Variants in SULT6B1 observed in about 807,000 individuals in gnomAD.
The protein encoded by SULT6B1 is sulfotransferase 6B1.
A neutral mutation model predicts 37.2 loss-of-function variants in SULT6B1; 44 were observed. That is an observed-to-expected ratio of 1.18 (90% CI 0.93 to 1.52). The LOEUF is 1.52. SULT6B1 is among the 40% of genes most tolerant of loss of function. The probability of loss-of-function intolerance (pLI) is 0.00; values close to 1 mark genes in which losing one functional copy is unlikely to be tolerated. For synonymous variants in SULT6B1, 140 were observed against 126.0 expected, an observed-to-expected ratio of 1.11 and a Z score of -0.74; for missense variants, 450 against 361.0, an observed-to-expected ratio of 1.25 and a Z score of -2.00.
intron 3 of SULT6B1, 140 bp from the exon 4 acceptor site, chr2:37,179,724 C>A: frequency 1.4e-6 from 1 of 697,844 alleles, no homozygotes; most frequent in Non-Finnish European, 2.2e-6. Flanking sequence ...CAGTAGGAAA[C>A]TGAGGAACAG....
rs935450061 is a variant in SULT6B1, at chr2:37,170,752, A to C, written c.781+682T>G. Among the ~76,000 whole-genome samples, 348 of 151,480 alleles carry C rather than the reference A, an allele frequency of 2.3e-3. 1 individual carries two copies. Among genetic ancestry groups the C allele is most frequent in the African/African-American group, 8.0e-3 (330 of 41,296 alleles). On this transcript the variant is annotated intron_variant, in intron 6 of 6. Coordinates refer to ENST00000535679, the MANE Select transcript of SULT6B1 (RefSeq NM_001367551.1). Reference sequence around the variant, plus strand: ...GATTCTGTCTCAAAAAAAAAAAAAAAAAAAAAAACTCACTGATGGGGCTTC... The same window carrying C: ...GATTCTGTCTCAAAAAAAAAAAAAACAAAAAAAACTCACTGATGGGGCTTC...
upstream of SULT6B1, among the ~76,000 whole-genome samples, chr2:37,191,733 A>G (rs1343778185): frequency 6.6e-6 from 1 of 152,196 alleles, no homozygotes; most frequent in Non-Finnish European, 1.5e-5. Context: ...GAAGGTGGGT[A>G]CGAAAAAAAC....
chr2:37,175,525 A>G (rs542983488), intron 4 of SULT6B1, among the ~76,000 whole-genome samples: 1 of 152,354 alleles, frequency 6.6e-6, no homozygotes, highest in Admixed American at 6.5e-5. Context: ...AAAAAAATTC[A>G]GAAATAGTGA....
intron 5 of SULT6B1, among the ~76,000 whole-genome samples, chr2:37,174,872 A>G (rs1359107021): frequency 6.6e-6 from 1 of 152,140 alleles, no homozygotes; most frequent in African/African-American, 2.4e-5. Context: ...TTTATTACCA[A>G]TTTGAACTAT....
chr2:37,194,389 T>C (rs979238482), intron 1 of SULT6B1: 8 of 387,392 alleles, frequency 2.1e-5, no homozygotes, highest in Non-Finnish European at 3.0e-5. Flanking sequence ...TGACTATCTG[T>C]AGATTTTTGA....
At chr2:37,176,391 C>T (rs1676429206) in intron 4 of SULT6B1, among the ~76,000 whole-genome samples, 1 of 149,976 alleles carries the variant, frequency 6.7e-6, no homozygotes, top group East Asian at 2.0e-4. Flanking sequence ...TCCTGAGTAG[C>T]TGGGACTACA....
intron 6 of SULT6B1, 117 bp from the exon 7 acceptor site, chr2:37,168,182 C>G: frequency 9.9e-7 from 1 of 1,012,458 alleles, no homozygotes; most frequent in Non-Finnish European, 1.4e-6. Context: ...TGGAAAAAAG[C>G]TTTACACTCT....
chr2:37,186,227 T>A (rs6728951), intron 2 of SULT6B1, among the ~76,000 whole-genome samples: 41,651 of 152,094 alleles, frequency 0.27, 6,810 homozygotes, highest in East Asian at 0.79. Flanking sequence ...CTGTTGGGAA[T>A]CTTGGTGGTG....
chr2:37,183,558 ATGTG>A, intron 2 of SULT6B1, 44 bp from the exon 3 acceptor site: 12 of 1,434,292 alleles, frequency 8.4e-6, no homozygotes, highest in South Asian at 1.2e-5. Context: ...ACGTGTGTGC[ATGTG>A]TGTGTGTGTG....
intron 2 of SULT6B1, among the ~76,000 whole-genome samples, chr2:37,186,501 C>A (rs1042538694): frequency 6.6e-6 from 1 of 152,130 alleles, no homozygotes; most frequent in Non-Finnish European, 1.5e-5. Context: ...GACCTGTTAT[C>A]CCCTTCACAC....
chr2:37,186,102 G>A (rs1013706000), intron 2 of SULT6B1, among the ~76,000 whole-genome samples: 2 of 152,160 alleles, frequency 1.3e-5, no homozygotes, highest in African/African-American at 2.4e-5. Flanking sequence ...CTTCCATCTA[G>A]GTTCCAACTT....
At chr2:37,179,766 A>G (rs1676512063) in intron 3 of SULT6B1, among the ~76,000 whole-genome samples, 182 bp from the exon 4 acceptor site, 1 of 152,192 alleles carries the variant, frequency 6.6e-6, no homozygotes, top group Non-Finnish European at 1.5e-5. Context: ...TGGGGAAAGG[A>G]GAGAAAGAAG....
At chr2:37,191,938 C>T (rs1249224464), upstream of SULT6B1, among the ~76,000 whole-genome samples, 1 of 152,136 alleles carries the variant, frequency 6.6e-6, no homozygotes, top group Non-Finnish European at 1.5e-5. Context: ...CACCATGTTC[C>T]CCTCATGCAG....
chr2:37,169,675 G>C (rs765040303), intron 6 of SULT6B1, among the ~76,000 whole-genome samples: 35 of 151,924 alleles, frequency 2.3e-4, no homozygotes, highest in Admixed American at 1.5e-3. Context: ...TTATATTTTT[G>C]GTAGAGACAG....
rs1299465091 is a variant in SULT6B1 at position 37,183,504 on chromosome 2, C to T, written c.323G>A (p.Gly108Asp). The part of the protein sequence containing the change: ...GDSEKYQRMK[G>D]FPSPRILATH... ...TGCCAAAATCCTTGGTGATGGAAAG[C>T]CTTTCATTCTCTTAAAAATATACAC... The change falls in exon 3 of 7, where the codon GGC becomes GAC. Residue 108 changes from glycine to aspartate, a missense_variant. Coordinates refer to ENST00000535679, the MANE Select transcript of SULT6B1 (RefSeq NM_001367551.1). 6.2e-7 allele frequency: 1 copy of T among 1,613,554 alleles called. No homozygotes were observed. Among genetic ancestry groups the T allele is most frequent in the Non-Finnish European group, 8.5e-7 (1 of 1,179,562 alleles).
At chr2:37,191,828 GA>G (rs890588846), upstream of SULT6B1, among the ~76,000 whole-genome samples, 1 of 152,238 alleles carries the variant, frequency 6.6e-6, no homozygotes, top group African/African-American at 2.4e-5. Flanking sequence ...GCCAGCCCAG[GA>G]GCAGCAGCAG....
rs1676869866 is a variant in SULT6B1, at chr2:37,194,887, TC to T, written c.-22+1628del. The T allele has an allele frequency of 6.2e-3, 176 of 28,382 alleles. 5 individuals are homozygous for T. Among genetic ancestry groups the T allele is most frequent in the Non-Finnish European group, 8.9e-3 (132 of 14,824 alleles). The allele number at this position is 28,382 out of a possible 1,614,324, so 1.8% of individuals were successfully genotyped here. On this transcript the variant is annotated intron_variant, in intron 1 of 7. Transcript: ENST00000407963. ...TCCCTCCCTCCCTCCCTCCCTTCCT[TC>T]CTTCCTTCTTTCCTTCCTTCCTTCC... is the stretch of plus-strand genomic sequence containing the variant.
At chr2:37,180,700 A>G (rs1387864827) in intron 3 of SULT6B1, among the ~76,000 whole-genome samples, 5 of 152,180 alleles carry the variant, frequency 3.3e-5, no homozygotes, top group Non-Finnish European at 7.3e-5. Context: ...CCTGGCCAAC[A>G]TGGGGAAACC....
chr2:37,175,366 C>G, intron 4 of SULT6B1, 140 bp from the exon 5 acceptor site: 1 of 413,926 alleles, frequency 2.4e-6, no homozygotes, highest in Non-Finnish European at 4.3e-6. Context: ...TCCCTGCCAC[C>G]AAAAAGCTGA....
Sources: allele counts gnomAD v4.1 joint callset (sites outside exome capture counted in the v4.1 genomes callset), GRCh38; gene constraint gnomAD v4.1.1; transcripts MANE v1.5; gene names NCBI Gene and HGNC (gene_info 2026-07-23, HGNC 2026-07-21).